STPG2: variants seen among roughly 807,000 people sequenced by gnomAD.
STPG2 encodes the protein sperm-tail PG-rich repeat-containing protein 2.
Under a neutral mutation model 54.2 loss-of-function variants are expected in STPG2, and 56 were observed. That is an observed-to-expected ratio of 1.03 (90% CI 0.83 to 1.29). The LOEUF is 1.29. Ranked by LOEUF, STPG2 falls within the 50% of genes most tolerant of loss-of-function variation. The probability of loss-of-function intolerance (pLI) is 0.00; values close to 1 mark genes in which losing one functional copy is unlikely to be tolerated. For synonymous variants in STPG2, 200 were observed against 181.8 expected, an observed-to-expected ratio of 1.10 and a Z score of -0.81; for missense variants, 596 against 544.9, an observed-to-expected ratio of 1.09 and a Z score of -0.93.
chr4:97,662,753 T>A lies in STPG2; in HGVS notation c.1320+49946A>T, dbSNP rs376039827. On this transcript the variant is annotated intron_variant, in intron 10 of 10. Coordinates refer to ENST00000295268, the MANE Select transcript of STPG2 (RefSeq NM_174952.3). ...GCTAAACATTGACTACATACAGACA[T>A]AAAGATGGGAACAAGAGACACTGTG... Among the ~76,000 whole-genome samples the A allele has an allele frequency of 1.2e-3, 185 of 152,118 alleles. 4 individuals carry two copies. The South Asian group carries it at 0.037, about 31-fold the overall frequency.
chr4:97,541,900 G>A (rs1292791362), intron 4 of STPG2, among the ~76,000 whole-genome samples: 1 of 152,150 alleles, frequency 6.6e-6, no homozygotes, highest in East Asian at 1.9e-4. Context: ...AATGGTGATG[G>A]GAAAACTGGC....
intron 10 of STPG2, among the ~76,000 whole-genome samples, chr4:97,676,105 A>G (rs1315793010): frequency 6.8e-6 from 1 of 147,792 alleles, no homozygotes; most frequent in African/African-American, 2.5e-5. Context: ...TATATACTAT[A>G]TATATGTAGT....
chr4:97,911,817 G>A (rs1560585561), intron 8 of STPG2, among the ~76,000 whole-genome samples: 1 of 152,090 alleles, frequency 6.6e-6, no homozygotes, highest in African/African-American at 2.4e-5. Context: ...CAGCACAGCG[G>A]AGTCACCCCA....
At chr4:97,613,104 A>T (rs1035052730) in intron 10 of STPG2, among the ~76,000 whole-genome samples, 5 of 152,144 alleles carry the variant, frequency 3.3e-5, no homozygotes, top group African/African-American at 4.8e-5. Context: ...ACATTGGTAC[A>T]TCACTATGGA....
chr4:98,090,741 A>G, intron 5 of STPG2, among the ~76,000 whole-genome samples: 1 of 151,628 alleles, frequency 6.6e-6, no homozygotes. Context: ...GACACTTTCA[A>G]TCCTTCTTCT....
At chr4:98,051,424 G>T (rs1289579405) in intron 5 of STPG2, among the ~76,000 whole-genome samples, 1 of 152,014 alleles carries the variant, frequency 6.6e-6, no homozygotes, top group Admixed American at 6.6e-5. Context: ...TTGGGAAATG[G>T]GGCTTTAGGG....
intron 9 of STPG2, among the ~76,000 whole-genome samples, chr4:97,817,341 T>C (rs1039439311): frequency 6.6e-6 from 1 of 151,880 alleles, no homozygotes; most frequent in African/African-American, 2.4e-5. Context: ...TAATGATTAC[T>C]CTTCACAATC....
chr4:97,984,300 A>C (rs1334259435), intron 5 of STPG2, among the ~76,000 whole-genome samples: 1 of 152,090 alleles, frequency 6.6e-6, no homozygotes, highest in Non-Finnish European at 1.5e-5. Flanking sequence ...ACATGCCACA[A>C]TGCCCAGCTA....
At chr4:97,755,578 T>C (rs1331103821) in intron 9 of STPG2, among the ~76,000 whole-genome samples, 2 of 152,198 alleles carry the variant, frequency 1.3e-5, no homozygotes, top group Admixed American at 6.6e-5. Context: ...TCTCTTCAAC[T>C]TTATTTGATA....
At chr4:97,616,205 C>T (rs962146159) in intron 10 of STPG2, among the ~76,000 whole-genome samples, 1 of 148,960 alleles carries the variant, frequency 6.7e-6, no homozygotes, top group Non-Finnish European at 1.5e-5. Flanking sequence ...TATGAAGGTT[C>T]CTAAAGAAGT....
chr4:97,618,633 G>A (rs1317330793), intron 10 of STPG2, among the ~76,000 whole-genome samples: 1 of 152,096 alleles, frequency 6.6e-6, no homozygotes, highest in Non-Finnish European at 1.5e-5. Context: ...CATCTGAAGA[G>A]TGACCTGTGT....
Position 97,928,004 on chromosome 4 carries a change from C to T in STPG2, c.1044+15893G>A, listed in dbSNP as rs937714179. Among the ~76,000 whole-genome samples the T allele has an allele frequency of 5.9e-5, 9 of 152,112 alleles. 1 individual carries two copies. Among genetic ancestry groups the T allele is most frequent in the Admixed American group, 5.2e-4 (8 of 15,268 alleles). On this transcript the variant is annotated intron_variant, in intron 8 of 10. Transcript: ENST00000295268. Reference sequence around the variant, plus strand: ...CTCAGGGTGATTCCCCTAACACATACTCAAAACCAAAACATTCAACACAGG... The same window carrying T: ...CTCAGGGTGATTCCCCTAACACATATTCAAAACCAAAACATTCAACACAGG...
intron 10 of STPG2, among the ~76,000 whole-genome samples, chr4:97,693,156 G>A (rs1029164951): frequency 3.3e-5 from 5 of 150,984 alleles, no homozygotes; most frequent in African/African-American, 9.7e-5. Context: ...AAAAAGAAAG[G>A]TATTCAGGCA....
At position 97,923,139 on chromosome 4, in the gene STPG2, C is replaced by T. The variant is rs1030096668; in HGVS notation, c.1044+20758G>A. On this transcript the variant is annotated intron_variant, in intron 8 of 10. Coordinates refer to ENST00000295268, the MANE Select transcript of STPG2 (RefSeq NM_174952.3). Reference sequence around the variant, plus strand: ...ACTCTTGGCACCTCCTCGGCCTGGGCGCCCACTCTGGCCATGCTTGAGGAG... The same window carrying T: ...ACTCTTGGCACCTCCTCGGCCTGGGTGCCCACTCTGGCCATGCTTGAGGAG... Among the ~76,000 whole-genome samples, 53 of 152,382 alleles carry T rather than the reference C, an allele frequency of 3.5e-4. 1 individual carries two copies. Among genetic ancestry groups the T allele is most frequent in the Non-Finnish European group, 2.2e-4 (15 of 68,040 alleles).
At chr4:97,530,669 G>A (rs1438880166) in intron 4 of STPG2, among the ~76,000 whole-genome samples, 1 of 152,184 alleles carries the variant, frequency 6.6e-6, no homozygotes, top group Non-Finnish European at 1.5e-5. Flanking sequence ...GAAAAGCACT[G>A]TTACAAGAAC....
intron 5 of STPG2, among the ~76,000 whole-genome samples, chr4:98,058,671 C>T (rs1311471555): frequency 1.3e-5 from 2 of 152,050 alleles, no homozygotes; most frequent in Non-Finnish European, 2.9e-5. Flanking sequence ...AGAAAATTAA[C>T]AAAGACATTC....
intron 7 of STPG2, among the ~76,000 whole-genome samples, chr4:97,966,150 A>G (rs896333402): frequency 1.3e-5 from 2 of 152,336 alleles, no homozygotes; most frequent in South Asian, 2.1e-4. Flanking sequence ...GGTTAGACGA[A>G]TGGCTAACTA....
intron 10 of STPG2, among the ~76,000 whole-genome samples, chr4:97,579,843 C>T (rs970589293): frequency 3.3e-5 from 5 of 151,988 alleles, no homozygotes; most frequent in African/African-American, 4.8e-5. Flanking sequence ...TTATATTTTA[C>T]AATTGACCAA....
At chr4:97,960,383 C>T (rs1196430362) in intron 7 of STPG2, among the ~76,000 whole-genome samples, 4 of 152,060 alleles carry the variant, frequency 2.6e-5, no homozygotes, top group South Asian at 2.1e-4. Context: ...AAAGGGCATG[C>T]AAATTGGTAA....
Sources: allele counts gnomAD v4.1 joint callset (sites outside exome capture counted in the v4.1 genomes callset), GRCh38; gene constraint gnomAD v4.1.1; transcripts MANE v1.5; gene names NCBI Gene and HGNC (gene_info 2026-07-23, HGNC 2026-07-21).